The following DCC variants were observed in gnomAD, a reference collection of about 807,000 sequenced individuals.
DCC encodes the protein netrin receptor DCC.
A neutral mutation model predicts 172.5 loss-of-function variants in DCC; 58 were observed. The ratio of observed to expected loss-of-function variants is 0.34; its 90% CI spans 0.27 to 0.42. The LOEUF (loss-of-function observed/expected upper bound fraction) is 0.42, where lower values mean the gene tolerates loss of function less well. Ranked by LOEUF, DCC falls within the 10% of genes least tolerant of loss-of-function variation. The pLI is 1.00. For synonymous variants in DCC, 709 were observed against 644.5 expected (o/e 1.10, Z -1.52); for missense variants, 1,740 against 1,791.0 (o/e 0.97, Z 0.51).
At chr18:53,010,515 A>C (rs1478294663) in intron 5 of DCC, among the ~76,000 whole-genome samples, 1 of 151,636 alleles carries the variant, frequency 6.6e-6, no homozygotes, top group African/African-American at 2.4e-5. Flanking sequence ...TCAAAGTAGA[A>C]TATATAAGAA....
At chr18:52,346,546 T>C (rs1983886837) in intron 1 of DCC, among the ~76,000 whole-genome samples, 1 of 152,230 alleles carries the variant, frequency 6.6e-6, no homozygotes, top group Non-Finnish European at 1.5e-5. Context: ...CTGAGCTTTG[T>C]CCCAATGGTG....
chr18:53,224,834 A>T (rs1054403069), intron 12 of DCC, among the ~76,000 whole-genome samples: 1 of 152,208 alleles, frequency 6.6e-6, no homozygotes, highest in African/African-American at 2.4e-5. Flanking sequence ...CGAGATAGCT[A>T]TTAAATATAC....
intron 1 of DCC, among the ~76,000 whole-genome samples, chr18:52,395,454 AG>A (rs1173269425): frequency 6.6e-6 from 1 of 152,000 alleles, no homozygotes; most frequent in African/African-American, 2.4e-5. Flanking sequence ...CACCCTCAAA[AG>A]GATGAAGAGA....
At chr18:52,857,925 AAAG>A (rs776054058) in intron 2 of DCC, among the ~76,000 whole-genome samples, 9 of 152,320 alleles carry the variant, frequency 5.9e-5, no homozygotes, top group Middle Eastern at 6.8e-3. Flanking sequence ...GAGTTTTTCA[AAAG>A]AAGAAAAATC....
At chr18:52,883,348 TTATGTGTGTGTGTG>T (rs1390191340) in intron 2 of DCC, among the ~76,000 whole-genome samples, 72 of 106,302 alleles carry the variant, frequency 6.8e-4, no homozygotes, top group African/African-American at 2.1e-3. Context: ...ATTTATTTAT[TTATGTGTGTGTGTG>T]TGTGTGTGTG....
At chr18:52,433,458 T>C (rs1340019045) in intron 1 of DCC, among the ~76,000 whole-genome samples, 2 of 152,200 alleles carry the variant, frequency 1.3e-5, no homozygotes, top group African/African-American at 4.8e-5. Flanking sequence ...GCTAATTCAG[T>C]GCTCTTTATA....
At chr18:52,840,830 C>T (rs900549445) in intron 2 of DCC, among the ~76,000 whole-genome samples, 1 of 152,118 alleles carries the variant, frequency 6.6e-6, no homozygotes, top group Non-Finnish European at 1.5e-5. Flanking sequence ...CACATTCTTC[C>T]AGGTGCAGGA....
intron 1 of DCC, among the ~76,000 whole-genome samples, chr18:52,698,738 A>G (rs1265818418): frequency 6.0e-5 from 9 of 149,150 alleles, no homozygotes; most frequent in Non-Finnish European, 1.3e-4. Context: ...AGCTGGGATT[A>G]CAGGCTCCCG....
intron 3 of DCC, among the ~76,000 whole-genome samples, chr18:52,909,333 G>A (rs1010408205): frequency 6.6e-6 from 1 of 152,106 alleles, no homozygotes; most frequent in Non-Finnish European, 1.5e-5. Context: ...GTACCAGAAT[G>A]GTTAGAACTC....
intron 2 of DCC, among the ~76,000 whole-genome samples, chr18:52,827,192 G>C (rs1168699910): frequency 6.6e-6 from 1 of 152,164 alleles, no homozygotes; most frequent in Non-Finnish European, 1.5e-5. Context: ...ATTGAGGTTA[G>C]GTAGGTCATT....
At chr18:53,077,324 A>C (rs554777830) in intron 7 of DCC, among the ~76,000 whole-genome samples, 17 of 152,208 alleles carry the variant, frequency 1.1e-4, no homozygotes, top group African/African-American at 2.6e-4. Context: ...TTTTGGGGCT[A>C]TCCCTCACTG....
intron 2 of DCC, among the ~76,000 whole-genome samples, chr18:52,801,042 A>G (rs538283374): frequency 3.9e-5 from 6 of 152,256 alleles, no homozygotes; most frequent in South Asian, 2.1e-4. Context: ...TTGAAATCCC[A>G]TGGAGATTGC....
At chr18:52,949,562 G>T (rs2040602420) in intron 5 of DCC, among the ~76,000 whole-genome samples, 1 of 152,146 alleles carries the variant, frequency 6.6e-6, no homozygotes, top group African/African-American at 2.4e-5. Context: ...CAGTGAGTAG[G>T]AAATGCCAAT....
At chr18:52,540,105 A>T (rs2032396678) in intron 1 of DCC, among the ~76,000 whole-genome samples, 1 of 152,068 alleles carries the variant, frequency 6.6e-6, no homozygotes, top group Admixed American at 6.6e-5. Flanking sequence ...TTAAATGTAC[A>T]CTCTAGGACA....
intron 12 of DCC, among the ~76,000 whole-genome samples, chr18:53,247,953 T>C (rs2144651647): frequency 6.6e-6 from 1 of 152,114 alleles, no homozygotes; most frequent in East Asian, 1.9e-4. Context: ...CTTGACTTTC[T>C]CAAGTCCCAT....
At chr18:52,376,481 CTA>C (rs1455678320) in intron 1 of DCC, among the ~76,000 whole-genome samples, 3 of 135,370 alleles carry the variant, frequency 2.2e-5, no homozygotes, top group African/African-American at 5.8e-5. Context: ...TAGTATATTT[CTA>C]TGTGTGTGTG....
intron 2 of DCC, among the ~76,000 whole-genome samples, chr18:52,890,844 A>T (rs1007497655): frequency 2.0e-5 from 3 of 152,142 alleles, no homozygotes; most frequent in African/African-American, 7.2e-5. Context: ...AGTTTGCCTC[A>T]AAGGACACAA....
intron 13 of DCC, among the ~76,000 whole-genome samples, chr18:53,314,205 T>C (rs1480497214): frequency 6.6e-6 from 1 of 152,196 alleles, no homozygotes; most frequent in Non-Finnish European, 1.5e-5. Flanking sequence ...CCTGGAATTC[T>C]AAAGGTAATG....
chr18:52,914,508 C>T (rs893558434), intron 3 of DCC, among the ~76,000 whole-genome samples: 3 of 151,290 alleles, frequency 2.0e-5, no homozygotes, highest in Non-Finnish European at 4.4e-5. Flanking sequence ...TGAATAATAG[C>T]TCCGGAGAAA....
Sources: gnomAD v4.1 joint callset for allele counts (sites outside exome capture counted in the v4.1 genomes callset) on GRCh38, gnomAD v4.1.1 for gene constraint, MANE v1.5 for transcripts, NCBI Gene and HGNC (gene_info 2026-07-23, HGNC 2026-07-21) for gene names.